FKBP5: variants seen among roughly 807,000 people sequenced by gnomAD.
The protein encoded by FKBP5 is peptidyl-prolyl cis-trans isomerase FKBP5.
A neutral mutation model predicts 50.5 loss-of-function variants in FKBP5; 23 were observed. That is an observed-to-expected ratio of 0.46 (90% CI 0.33 to 0.65). The LOEUF (loss-of-function observed/expected upper bound fraction) is 0.65. Ranked by LOEUF, FKBP5 falls within the 30% of genes least tolerant of loss-of-function variation. The pLI is 0.02. For missense variants in FKBP5, 411 were observed against 553.1 expected (o/e 0.74, Z 2.58); for synonymous variants, 176 against 190.6 (o/e 0.92, Z 0.63).
intron 2 of FKBP5, among the ~76,000 whole-genome samples, chr6:35,703,139 A>C (rs969981177): frequency 6.6e-6 from 1 of 152,070 alleles, no homozygotes; most frequent in African/African-American, 2.4e-5. Flanking sequence ...AATCCCAGCT[A>C]CTTGGGAGGC....
At chr6:35,702,408 A>G (rs1056564829) in intron 2 of FKBP5, among the ~76,000 whole-genome samples, 2 of 151,686 alleles carry the variant, frequency 1.3e-5, no homozygotes. Context: ...GTCTTTTGAC[A>G]AATGGTGCTA....
chr6:35,578,077 T>G (rs1400607432), intron 9 of FKBP5, among the ~76,000 whole-genome samples: 1 of 144,704 alleles, frequency 6.9e-6, no homozygotes, highest in Non-Finnish European at 1.5e-5. Flanking sequence ...AAAAAAAAAG[T>G]TCTTACCTCA....
chr6:35,633,434 T>C (rs1764220661), intron 3 of FKBP5, among the ~76,000 whole-genome samples: 1 of 148,364 alleles, frequency 6.7e-6, no homozygotes, highest in Non-Finnish European at 1.5e-5. Context: ...TCCCAGATAC[T>C]GGGGAGGCTG....
At chr6:35,690,868 T>A (rs1477185618), upstream of FKBP5, among the ~76,000 whole-genome samples, 1 of 151,682 alleles carries the variant, frequency 6.6e-6, no homozygotes, top group African/African-American at 2.4e-5. Context: ...TAGCCAGGCA[T>A]GGTGACGCAT....
chr6:35,705,555 G>T (rs13213010), intron 2 of FKBP5, among the ~76,000 whole-genome samples: 70,991 of 151,292 alleles, frequency 0.47, 16,883 homozygotes, highest in East Asian at 0.65. Flanking sequence ...ATGAGCCACT[G>T]TGCCCGGCCT....
At chr6:35,605,886 C>A (rs1375758560) in intron 5 of FKBP5, among the ~76,000 whole-genome samples, 1 of 152,196 alleles carries the variant, frequency 6.6e-6, no homozygotes, top group African/African-American at 2.4e-5. Flanking sequence ...GGAAACCAGA[C>A]GTCTACCTCT....
intron 3 of FKBP5, among the ~76,000 whole-genome samples, chr6:35,625,978 A>G (rs1485411267): frequency 6.6e-6 from 1 of 151,436 alleles, no homozygotes; most frequent in South Asian, 2.1e-4. Context: ...ATGGAGTTTC[A>G]TCGTGTTAGC....
intron 5 of FKBP5, among the ~76,000 whole-genome samples, chr6:35,598,228 T>G (rs900931746): frequency 1.3e-5 from 2 of 152,292 alleles, no homozygotes; most frequent in Admixed American, 6.5e-5. Context: ...CTTGATGAGT[T>G]AGACTTTTTT....
chr6:35,632,524 T>C (rs1764191580), intron 3 of FKBP5, among the ~76,000 whole-genome samples: 2 of 151,892 alleles, frequency 1.3e-5, no homozygotes, highest in Admixed American at 1.3e-4. Context: ...ACTTATATAA[T>C]CATATATAAT....
At chr6:35,666,169 C>T (rs1765209372) in intron 1 of FKBP5, among the ~76,000 whole-genome samples, 1 of 151,920 alleles carries the variant, frequency 6.6e-6, no homozygotes, top group Non-Finnish European at 1.5e-5. Context: ...TTTAATCCTT[C>T]TAATCCACAA....
chr6:35,663,552 C>T (rs971625393), intron 1 of FKBP5, among the ~76,000 whole-genome samples: 2 of 152,204 alleles, frequency 1.3e-5, no homozygotes, highest in Admixed American at 6.5e-5. Context: ...ATGCTGATCA[C>T]TCGCTATCTC....
chr6:35,680,778 G>C (rs1310110448), intron 1 of FKBP5, among the ~76,000 whole-genome samples: 1 of 152,198 alleles, frequency 6.6e-6, no homozygotes, highest in Admixed American at 6.5e-5. Context: ...TTCTAGGATA[G>C]TAAAAACTGT....
intron 2 of FKBP5, among the ~76,000 whole-genome samples, chr6:35,717,085 G>T (rs1766524620): frequency 6.6e-6 from 1 of 152,056 alleles, no homozygotes; most frequent in Admixed American, 6.6e-5. Context: ...CCCTATTCCT[G>T]CCAGGCACCC....
chr6:35,701,232 TG>T (rs759868429), intron 2 of FKBP5, among the ~76,000 whole-genome samples: 1 of 151,038 alleles, frequency 6.6e-6, no homozygotes, highest in Non-Finnish European at 1.5e-5. Flanking sequence ...TGTTTGTTTT[TG>T]TTTTTTGTTT....
intron 5 of FKBP5, among the ~76,000 whole-genome samples, chr6:35,600,542 A>AT (rs966854473): frequency 3.9e-5 from 3 of 76,254 alleles, no homozygotes; most frequent in African/African-American, 9.0e-5. Context: ...AACACTTTTC[A>AT]TAAAAAAAAA....
At chr6:35,632,895 GAAAAA>G (rs998925352) in intron 3 of FKBP5, among the ~76,000 whole-genome samples, 3 of 94,194 alleles carry the variant, frequency 3.2e-5, no homozygotes, top group South Asian at 3.1e-4. Flanking sequence ...GTCTCAGAAA[GAAAAA>G]AAAAAAAAGA....
intron 3 of FKBP5, among the ~76,000 whole-genome samples, chr6:35,633,451 G>A (rs369615681): frequency 2.7e-5 from 4 of 149,352 alleles, no homozygotes; most frequent in African/African-American, 4.9e-5. Flanking sequence ...GCTGAGGCAC[G>A]AGAATCACTT....
upstream of FKBP5, among the ~76,000 whole-genome samples, chr6:35,689,111 T>G (rs1765930529): frequency 6.6e-6 from 1 of 152,130 alleles, no homozygotes; most frequent in Non-Finnish European, 1.5e-5. Context: ...CCCCATCATT[T>G]GCTCCTCCAC....
chr6:35,689,614 G>GGGC (rs1288063903), upstream of FKBP5, among the ~76,000 whole-genome samples: 2 of 152,054 alleles, frequency 1.3e-5, no homozygotes, highest in Non-Finnish European at 2.9e-5. Context: ...AGGCCGAGGT[G>GGGC]GGCGGACCAC....
Sources: gnomAD v4.1 joint callset for allele counts (sites outside exome capture counted in the v4.1 genomes callset) on GRCh38, gnomAD v4.1.1 for gene constraint, MANE v1.5 for transcripts, NCBI Gene and HGNC (gene_info 2026-07-23, HGNC 2026-07-21) for gene names.